CDH3: variants seen among roughly 807,000 people sequenced by gnomAD.
CDH3 encodes the protein cadherin-3.
Under a neutral mutation model 82.0 loss-of-function variants are expected in CDH3, and 54 were observed. The ratio of observed to expected loss-of-function variants is 0.66; its 90% CI spans 0.53 to 0.83. The LOEUF (loss-of-function observed/expected upper bound fraction) is 0.83, where lower values mean the gene tolerates loss of function less well. CDH3 is among the 40% of genes least tolerant of loss of function. The pLI, the probability that CDH3 is intolerant of heterozygous loss-of-function variation, is 0.00. For missense variants in CDH3, 1,054 were observed against 1,084.6 expected (o/e 0.97, Z 0.40); for synonymous variants, 446 against 437.9 (o/e 1.02, Z -0.23).
At chr16:68,691,232 T>C (rs1961565485) in intron 12 of CDH3, among the ~76,000 whole-genome samples, 5 of 152,048 alleles carry the variant, frequency 3.3e-5, no homozygotes, top group Non-Finnish European at 7.4e-5. Flanking sequence ...TCTCGATCTC[T>C]TGACCTCGTG....
At chr16:68,692,050 T>G in intron 13 of CDH3, 124 bp downstream of exon 13, 1 of 712,726 alleles carries the variant, frequency 1.4e-6, no homozygotes, top group East Asian at 2.7e-5. Flanking sequence ...TTAAACATTT[T>G]TTTTAAGACA....
chr16:68,663,888 C>T (rs1960665648), intron 2 of CDH3, among the ~76,000 whole-genome samples: 1 of 151,748 alleles, frequency 6.6e-6, no homozygotes, highest in African/African-American at 2.4e-5. Context: ...CATATGTATA[C>T]ATGTGCCATG....
intron 2 of CDH3, among the ~76,000 whole-genome samples, chr16:68,664,621 TG>T (rs769152682): frequency 2.6e-5 from 4 of 152,104 alleles, no homozygotes; most frequent in Non-Finnish European, 5.9e-5. Flanking sequence ...AGGAACAAAC[TG>T]GTGAGATGTG....
intron 2 of CDH3, among the ~76,000 whole-genome samples, chr16:68,646,453 G>A (rs1473792824): frequency 2.6e-5 from 4 of 152,106 alleles, no homozygotes; most frequent in African/African-American, 9.6e-5. Flanking sequence ...GGGCTATGGG[G>A]GCGATGGACG....
intron 2 of CDH3, among the ~76,000 whole-genome samples, chr16:68,660,966 CAAA>C (rs10590071): frequency 2.0e-4 from 23 of 117,004 alleles, no homozygotes; most frequent in East Asian, 2.3e-4. Context: ...GACTCCGTCT[CAAA>C]AAAAAAAAAA....
chr16:68,723,036 C>T (rs1417872314), intron 2 of CDH3, among the ~76,000 whole-genome samples: 6 of 132,456 alleles, frequency 4.5e-5, no homozygotes, highest in African/African-American at 8.2e-5. Context: ...TCAGGTGATC[C>T]GCTGCCTCTA....
At chr16:68,668,907 C>T (rs932773934) in intron 2 of CDH3, among the ~76,000 whole-genome samples, 6 of 152,212 alleles carry the variant, frequency 3.9e-5, no homozygotes, top group Non-Finnish European at 8.8e-5. Flanking sequence ...GTATTCAGTG[C>T]TGTTTGAACA....
chr16:68,709,561 C>T (rs1209345453), intron 1 of CDH3, among the ~76,000 whole-genome samples: 1 of 152,094 alleles, frequency 6.6e-6, no homozygotes, highest in African/African-American at 2.4e-5. Context: ...CAGGTTCAAG[C>T]GATTCTACTA....
rs1961157855 is a variant in CDH3, at chr16:68,679,796, C to T, written c.692-3C>T. ...GGAAAAGATACTCATCCCTTCTCTC[C>T]AGGTACTTCTGTGATGCAGGTGACA... is the stretch of plus-strand genomic sequence containing the variant. On this transcript the variant is annotated splice_region_variant and splice_polypyrimidine_tract_variant and intron_variant, in intron 6 of 15. Transcript: ENST00000264012. 6.2e-7 allele frequency: 1 copy of T among 1,607,930 alleles called. No individual in the cohort carries two copies. The highest frequency in any genetic ancestry group is 8.5e-7 in the Non-Finnish European group (1 of 1,174,758).
At chr16:68,710,180 G>T (rs1962009792) in intron 1 of CDH3, among the ~76,000 whole-genome samples, 1 of 149,258 alleles carries the variant, frequency 6.7e-6, no homozygotes, top group Non-Finnish European at 1.5e-5. Flanking sequence ...GTTTGGCACT[G>T]GCTGCGCTCT....
At chr16:68,679,718 A>C (rs1345702473) in intron 6 of CDH3, 81 bp from the exon 7 acceptor site, 17 of 766,964 alleles carry the variant, frequency 2.2e-5, no homozygotes, top group Non-Finnish European at 3.1e-5. Context: ...AAAAAAAAAA[A>C]GAAAAGAAAA....
chr16:68,687,393 T>C (rs1961441434), intron 11 of CDH3, 119 bp from the exon 12 acceptor site: 1 of 741,568 alleles, frequency 1.3e-6, no homozygotes, highest in African/African-American at 1.7e-5. Context: ...GTGCCATGTA[T>C]TGGAAGCAAG....
chr16:68,727,599 G>A (rs1052149968), downstream of CDH3, among the ~76,000 whole-genome samples: 1 of 151,904 alleles, frequency 6.6e-6, no homozygotes, highest in Non-Finnish European at 1.5e-5. Context: ...AACATAATGA[G>A]TCCTCATCTC....
At chr16:68,697,881 A>C (rs1961776595) in intron 15 of CDH3, among the ~76,000 whole-genome samples, 1 of 152,164 alleles carries the variant, frequency 6.6e-6, no homozygotes, top group African/African-American at 2.4e-5. Context: ...GTCATTTTAC[A>C]GACAAGGAAA....
chr16:68,675,239 A>G (rs1960997083), intron 2 of CDH3, among the ~76,000 whole-genome samples: 1 of 152,216 alleles, frequency 6.6e-6, no homozygotes, highest in East Asian at 1.9e-4. Context: ...AGGCTTTCTG[A>G]AAGGACAGTT....
At position 68,678,645 on chromosome 16, in the gene CDH3, G is replaced by A; in HGVS notation, c.535G>A (p.Ala179Thr). 6.2e-7 allele frequency: 1 copy of A among 1,614,234 alleles called. No homozygotes were observed. The highest frequency in any genetic ancestry group is 8.5e-7 in the Non-Finnish European group (1 of 1,180,048). Reference sequence around the variant, plus strand: ...TAAGCCACTGGACCGGGAGGAGATTGCCAAGTATGAGGCAAGTAGCCTTTA... The same window carrying A: ...TAAGCCACTGGACCGGGAGGAGATTACCAAGTATGAGGCAAGTAGCCTTTA... ...LNKPLDREEI[A>T]KYELFGHAVS... The change falls in exon 5 of 16, where the codon GCC becomes ACC. Residue 179 changes from alanine (A) to threonine (T), a missense_variant. Coordinates refer to ENST00000264012, the MANE Select transcript of CDH3 (RefSeq NM_001793.6).
chr16:68,717,495 G>A (rs868600430), intron 1 of CDH3, among the ~76,000 whole-genome samples: 3 of 152,170 alleles, frequency 2.0e-5, no homozygotes, highest in African/African-American at 4.8e-5. Context: ...AGGTCAGGCC[G>A]AGCGCGGTGG....
chr16:68,691,949 C>T (rs765487008), intron 13 of CDH3, 23 bp downstream of exon 13: 3 of 1,590,526 alleles, frequency 1.9e-6, no homozygotes, highest in South Asian at 1.1e-5. Context: ...CCCCCACCCC[C>T]TCCCTGAGGA....
At position 68,698,680 on chromosome 16, in the gene CDH3, C is replaced by G; in HGVS notation, c.*280C>G. 2.0e-6 allele frequency: 1 copy of G among 504,730 alleles called. No individual in the cohort carries two copies. Among genetic ancestry groups the G allele is most frequent in the Non-Finnish European group, 3.6e-6 (1 of 279,262 alleles). The allele number at this position is 504,730 out of a possible 1,614,324, so 31.3% of individuals were successfully genotyped here. A position where few individuals can be genotyped will look rare whatever the true frequency, so the allele number is the denominator to read the frequency against. On this transcript the variant is annotated 3_prime_UTR_variant, in exon 16 of 16. Transcript: ENST00000264012. Reference sequence around the variant, plus strand: ...GAAGCCTCTTACCTGCCGTAAAATGCTCAACCCTGTGTCCTGGGCCTGGGC... The same window carrying G: ...GAAGCCTCTTACCTGCCGTAAAATGGTCAACCCTGTGTCCTGGGCCTGGGC...
Sources: allele counts gnomAD v4.1 joint callset (sites outside exome capture counted in the v4.1 genomes callset), GRCh38; gene constraint gnomAD v4.1.1; transcripts MANE v1.5; gene names NCBI Gene and HGNC (gene_info 2026-07-23, HGNC 2026-07-21).